The following PLD5 variants were observed in gnomAD, a reference collection of about 807,000 sequenced individuals.
PLD5 encodes the protein phospholipase D family member 5, also known as inactive phospholipase D5.
PLD5 carries 36 observed loss-of-function variants against 61.1 expected under a neutral mutation model. The observed-to-expected ratio is 0.59, with a 90% CI of 0.45 to 0.78. The LOEUF (loss-of-function observed/expected upper bound fraction) is 0.78. Among genes scored for constraint, PLD5 ranks in the 30% least tolerant of loss-of-function variants. The pLI is 0.00. For missense variants in PLD5, 515 were observed against 644.4 expected (o/e 0.80, Z 2.17); for synonymous variants, 243 against 242.8 (o/e 1.00, Z -0.01).
Position 242,393,232 on chromosome 1 carries a change from A to G in PLD5, c.190-44990T>C, listed in dbSNP as rs1572045105. On this transcript the variant is annotated intron_variant, in intron 1 of 9. Transcript: ENST00000536534. ...AATATATATATATATATGAGTATAT[A>G]TATGTGTATATATATGAGTATATAT... Among the ~76,000 whole-genome samples, 3 of 84,450 alleles carry G rather than the reference A, an allele frequency of 3.6e-5. No homozygotes were observed. In the East Asian group the frequency reaches 7.9e-4, roughly 22 times the overall value. 55.4% of individuals were successfully genotyped at this position (84,450 alleles called of 152,430 possible).
At chr1:242,513,507 G>T (rs941718026) in intron 1 of PLD5, among the ~76,000 whole-genome samples, 1 of 152,154 alleles carries the variant, frequency 6.6e-6, no homozygotes, top group Admixed American at 6.5e-5. Context: ...CCACAGAGGA[G>T]GGACACCCAA....
At chr1:242,314,100 C>CA (rs1676867370) in intron 2 of PLD5, among the ~76,000 whole-genome samples, 1 of 152,082 alleles carries the variant, frequency 6.6e-6, no homozygotes, top group African/African-American at 2.4e-5. Flanking sequence ...AGAAATTTCC[C>CA]AACCTCGAGA....
At chr1:242,121,141 G>C (rs1340098130) in intron 6 of PLD5, among the ~76,000 whole-genome samples, 2 of 152,236 alleles carry the variant, frequency 1.3e-5, no homozygotes, top group East Asian at 1.9e-4. Context: ...ATATTACTGA[G>C]AAAACTGTAT....
intron 2 of PLD5, among the ~76,000 whole-genome samples, chr1:242,341,623 G>T (rs1310486719): frequency 2.9e-5 from 4 of 138,742 alleles, no homozygotes; most frequent in Non-Finnish European, 6.2e-5. Context: ...ACCAGACTTT[G>T]GTGATCTAGG....
intron 1 of PLD5, among the ~76,000 whole-genome samples, chr1:242,362,155 T>G (rs1214777571): frequency 1.3e-5 from 2 of 152,176 alleles, no homozygotes; most frequent in Non-Finnish European, 2.9e-5. Context: ...TGGTCAAGTC[T>G]TAAAAAGAAC....
rs372621603 is a variant in PLD5, at chr1:242,239,089, T to C, written c.608-18974A>G. 5.9e-5 allele frequency among the ~76,000 whole-genome samples: 9 copies of C among 152,346 alleles called. No individual in the cohort carries two copies. The South Asian group carries it at 1.9e-3, about 32-fold the overall frequency. On this transcript the variant is annotated intron_variant, in intron 4 of 9. Transcript: ENST00000536534. ...ATTTTGAGGAACAACAATCTCATCT[T>C]TCTTTGTACTGTAGTCACTCAGGGG... is the stretch of plus-strand genomic sequence containing the variant.
chr1:242,130,455 C>T lies in PLD5; in HGVS notation c.736-5790G>A, dbSNP rs565405205. ...TGATATAATGACTTCTTTTGCTATGCGTAGATACACAGTAGTGGGATTGCT... is the reference window on the plus strand; with the variant it reads ...TGATATAATGACTTCTTTTGCTATGTGTAGATACACAGTAGTGGGATTGCT... On this transcript the variant is annotated intron_variant, in intron 5 of 9. Coordinates refer to ENST00000536534, the MANE Select transcript of PLD5 (RefSeq NM_001372062.1). Among the ~76,000 whole-genome samples, 45 of 152,256 alleles carry T rather than the reference C, an allele frequency of 3.0e-4. 2 individuals carry two copies. Among genetic ancestry groups the T allele is most frequent in the African/African-American group, 1.1e-3 (44 of 41,548 alleles).
intron 2 of PLD5, among the ~76,000 whole-genome samples, chr1:242,346,048 T>G (rs869174132): frequency 0.25 from 78 of 306 alleles, no homozygotes; most frequent in South Asian, 0.5. Context: ...TATATCATAT[T>G]TATATCACAT....
rs144892956 is a variant in PLD5 at position 242,220,024 on chromosome 1, G to A, written c.699C>T (p.Ile233=). 4.3e-5 allele frequency: 70 copies of A among 1,614,042 alleles called. No homozygotes were observed. The highest frequency in any genetic ancestry group is 3.1e-4 in the African/African-American group (23 of 74,930). Residue 233 remains isoleucine (I), a synonymous_variant, in exon 5 of 10, where the codon ATC becomes ATT. Transcript: ENST00000536534. ...FWIVDKQHVY[I]GSAGLDWQSL... ...ATTGCCAGTCCAAACCGGCACTGCC[G>A]ATATACACGTGCTGTTTGTCCACGA...
chr1:242,473,447 G>A (rs939450815), intron 1 of PLD5, among the ~76,000 whole-genome samples: 1 of 152,126 alleles, frequency 6.6e-6, no homozygotes, highest in East Asian at 1.9e-4. Flanking sequence ...TAAGTAGAAA[G>A]AATATAAAAG....
At chr1:242,326,550 C>T (rs1349036925) in intron 2 of PLD5, among the ~76,000 whole-genome samples, 6 of 152,072 alleles carry the variant, frequency 3.9e-5, no homozygotes, top group Admixed American at 3.9e-4. Flanking sequence ...TAAATCCTCC[C>T]CCATCCCTCC....
intron 2 of PLD5, among the ~76,000 whole-genome samples, chr1:242,314,470 T>C (rs1676886730): frequency 1.3e-5 from 2 of 152,202 alleles, no homozygotes; most frequent in South Asian, 4.1e-4. Context: ...TCACCTCACC[T>C]ATTACAGGAA....
At chr1:242,389,437 C>T (rs1407204220) in intron 1 of PLD5, among the ~76,000 whole-genome samples, 1 of 151,978 alleles carries the variant, frequency 6.6e-6, no homozygotes, top group Non-Finnish European at 1.5e-5. Flanking sequence ...TATCTCTCTT[C>T]CAAAGGACTC....
intron 1 of PLD5, among the ~76,000 whole-genome samples, chr1:242,451,032 A>T (rs1358767196): frequency 6.6e-6 from 1 of 152,016 alleles, no homozygotes; most frequent in African/African-American, 2.4e-5. Flanking sequence ...CTCTAGAAAC[A>T]CTCAGCCACA....
chr1:242,530,137 A>T, the PLD5 span, among the ~76,000 whole-genome samples: 1 of 152,108 alleles, frequency 6.6e-6, no homozygotes, highest in East Asian at 1.9e-4. Flanking sequence ...CAGGCGATCC[A>T]CCTGCCTTGG....
chr1:242,165,216 A>C (rs991633640), intron 5 of PLD5, among the ~76,000 whole-genome samples: 1 of 152,164 alleles, frequency 6.6e-6, no homozygotes, highest in African/African-American at 2.4e-5. Context: ...TCAAGGTTTG[A>C]ACTGTGGTTA....
intron 2 of PLD5, among the ~76,000 whole-genome samples, chr1:242,319,766 C>T (rs1212180623): frequency 1.3e-5 from 2 of 152,170 alleles, no homozygotes; most frequent in Admixed American, 6.5e-5. Context: ...CTCCTCTACC[C>T]TCTGTTAATT....
chr1:242,425,453 A>C (rs543777417), intron 1 of PLD5, among the ~76,000 whole-genome samples: 1 of 152,274 alleles, frequency 6.6e-6, no homozygotes, highest in Admixed American at 6.5e-5. Context: ...GCATACAATA[A>C]ATGGAGCTTG....
Position 242,524,244 on chromosome 1 carries a change from G to A in PLD5, c.33C>T (p.Ala11=). The stretch of plus-strand genomic sequence containing the variant: ...TCTGCTCGAAGCCCTCATGGGGGGA[G>A]GCCGAGAGCCACTCGTGCTGCCGGA... MEIRQHEWLS[A]SPHEGFEQMR... The change falls in exon 1 of 10, where the codon GCC becomes GCT. Residue 11 remains alanine, a synonymous_variant. Coordinates refer to ENST00000536534, the MANE Select transcript of PLD5 (RefSeq NM_001372062.1). The A allele has an allele frequency of 6.7e-7, 1 of 1,500,606 alleles. No individual in the cohort carries two copies. 93.0% of individuals were successfully genotyped at this position (1,500,606 alleles called of 1,614,324 possible).
Sources: gnomAD v4.1 joint callset for allele counts (sites outside exome capture counted in the v4.1 genomes callset) on GRCh38, gnomAD v4.1.1 for gene constraint, MANE v1.5 for transcripts, NCBI Gene and HGNC (gene_info 2026-07-23, HGNC 2026-07-21) for gene names.